DYM: variants seen among roughly 807,000 people sequenced by gnomAD.
DYM encodes the protein dyggve-Melchior-Clausen syndrome protein.
Under a neutral mutation model 93.1 loss-of-function variants are expected in DYM, and 78 were observed. The observed-to-expected ratio is 0.84, with a 90% CI of 0.70 to 1.01. The LOEUF is 1.01. Ranked by LOEUF, DYM falls within the 50% of genes least tolerant of loss-of-function variation. The pLI, the probability that DYM is intolerant of heterozygous loss-of-function variation, is 0.00. For missense variants in DYM, 789 were observed against 845.0 expected (o/e 0.93, Z 0.82); for synonymous variants, 321 against 319.7 (o/e 1.00, Z -0.04).
At chr18:49,411,742 AT>A (rs1390603259) in intron 2 of DYM, among the ~76,000 whole-genome samples, 2 of 152,212 alleles carry the variant, frequency 1.3e-5, no homozygotes, top group Admixed American at 1.3e-4. Flanking sequence ...CCGCCATAAA[AT>A]TCTTTCAAAA....
At chr18:49,108,117 C>A (rs541696425) in intron 16 of DYM, among the ~76,000 whole-genome samples, 1 of 152,342 alleles carries the variant, frequency 6.6e-6, no homozygotes, top group South Asian at 2.1e-4. Flanking sequence ...GGATGCCCCT[C>A]CCCCAGCCTC....
At chr18:49,285,492 G>A (rs577798535) in intron 9 of DYM, among the ~76,000 whole-genome samples, 23 of 152,258 alleles carry the variant, frequency 1.5e-4, no homozygotes, top group Admixed American at 6.5e-4. Flanking sequence ...ATAATACCAC[G>A]TTTTTATTGT....
intron 6 of DYM, among the ~76,000 whole-genome samples, chr18:49,346,337 C>T (rs2064594530): frequency 6.6e-6 from 1 of 152,156 alleles, no homozygotes; most frequent in Non-Finnish European, 1.5e-5. Flanking sequence ...CATGAATGAA[C>T]TCTGAACACA....
chr18:49,439,879 C>T lies in DYM; in HGVS notation c.-53-9432G>A, dbSNP rs1204323034. ...TAGCCAGGCAACACAGCTAATAAGC[C>T]TGTAGTCCCAGCTACTCAGAAGGCT... On this transcript the variant is annotated intron_variant, in intron 1 of 17. Transcript: ENST00000675505. 4.0e-5 allele frequency among the ~76,000 whole-genome samples: 6 copies of T among 151,880 alleles called. No homozygotes were observed. The East Asian group carries it at 9.7e-4, about 25-fold the overall frequency.
At chr18:49,102,946 G>A (rs1599760303) in intron 16 of DYM, among the ~76,000 whole-genome samples, 1 of 152,130 alleles carries the variant, frequency 6.6e-6, no homozygotes, top group Non-Finnish European at 1.5e-5. Context: ...TGGGATTGCT[G>A]GGTCAAATGG....
At chr18:49,102,623 G>A (rs928232528) in intron 16 of DYM, among the ~76,000 whole-genome samples, 14 of 152,014 alleles carry the variant, frequency 9.2e-5, no homozygotes, top group Non-Finnish European at 1.6e-4. Context: ...GTGTCCATGT[G>A]TTCTCATTGT....
intron 13 of DYM, among the ~76,000 whole-genome samples, chr18:49,254,281 CATATATATATATATATATATATAT>C (rs3084549): frequency 1.6e-3 from 219 of 136,310 alleles, no homozygotes; most frequent in Non-Finnish European, 1.9e-3. Context: ...ATCCTTGTAT[CATATATATATATATATATATATAT>C]ATATATATAT....
At chr18:49,253,462 T>C (rs965984357) in intron 13 of DYM, among the ~76,000 whole-genome samples, 1 of 152,216 alleles carries the variant, frequency 6.6e-6, no homozygotes, top group Non-Finnish European at 1.5e-5. Flanking sequence ...AAATATTTTC[T>C]CAGGAAATAC....
chr18:49,454,834 G>A (rs1314860175), intron 1 of DYM, among the ~76,000 whole-genome samples: 1 of 149,918 alleles, frequency 6.7e-6, no homozygotes, highest in African/African-American at 2.5e-5. Context: ...CGTAGACCCA[G>A]GAGGCAGAGT....
intron 8 of DYM, among the ~76,000 whole-genome samples, chr18:49,317,646 C>CTCCTCTCCTCTCCTCTCCTCTCCTTCCT (rs750848541): frequency 1.9e-4 from 7 of 36,556 alleles, no homozygotes; most frequent in Non-Finnish European, 3.1e-4. Flanking sequence ...ATCCTCTCCT[C>CTCCTCTCCTCTCCTCTCCTCTCCTTCCT]TCCTTCCTTC....
At chr18:49,458,670 T>C (rs1334790522) in intron 1 of DYM, among the ~76,000 whole-genome samples, 2 of 152,000 alleles carry the variant, frequency 1.3e-5, no homozygotes, top group East Asian at 3.8e-4. Context: ...GACCCCCGTC[T>C]CTACTAAAAA....
intron 14 of DYM, among the ~76,000 whole-genome samples, chr18:49,193,682 T>G: frequency 6.6e-6 from 1 of 152,368 alleles, no homozygotes; most frequent in African/African-American, 2.4e-5. Flanking sequence ...TCTCACTTTA[T>G]AATGCTGTGA....
intron 8 of DYM, among the ~76,000 whole-genome samples, chr18:49,317,981 T>G (rs1248214892): frequency 1.3e-5 from 2 of 152,068 alleles, no homozygotes; most frequent in Non-Finnish European, 2.9e-5. Context: ...TAGGGCAGTT[T>G]AAGAACCAAT....
At chr18:49,298,729 T>C (rs535503587) in intron 8 of DYM, among the ~76,000 whole-genome samples, 101 of 152,280 alleles carry the variant, frequency 6.6e-4, no homozygotes, top group African/African-American at 2.0e-3. Context: ...ACTGAAATAT[T>C]TCAGTAATTA....
At chr18:49,409,588 C>T (rs2148171630) in intron 2 of DYM, among the ~76,000 whole-genome samples, 1 of 152,264 alleles carries the variant, frequency 6.6e-6, no homozygotes, top group African/African-American at 2.4e-5. Flanking sequence ...CAGAGTACCA[C>T]TGTTGGATGT....
intron 15 of DYM, among the ~76,000 whole-genome samples, chr18:49,144,345 GT>G (rs2084852383): frequency 6.6e-6 from 1 of 151,902 alleles, no homozygotes; most frequent in Admixed American, 6.5e-5. Flanking sequence ...AGATGGTGGT[GT>G]GTTCTACATC....
At chr18:49,174,170 A>G (rs1600344535) in intron 14 of DYM, among the ~76,000 whole-genome samples, 1 of 152,204 alleles carries the variant, frequency 6.6e-6, no homozygotes, top group East Asian at 1.9e-4. Flanking sequence ...TGATTATGGC[A>G]TGTTAAACCA....
intron 2 of DYM, among the ~76,000 whole-genome samples, chr18:49,421,444 T>G (rs958759833): frequency 7.2e-5 from 11 of 151,974 alleles, no homozygotes; most frequent in African/African-American, 2.7e-4. Context: ...GTCCTGACTG[T>G]TAGAAGGAAA....
At chr18:49,386,933 C>T (rs1397327028) in intron 3 of DYM, among the ~76,000 whole-genome samples, 1 of 150,624 alleles carries the variant, frequency 6.6e-6, no homozygotes, top group Non-Finnish European at 1.5e-5. Context: ...AAAATTTCTT[C>T]GTATTTATTT....
Sources: allele counts gnomAD v4.1 joint callset (sites outside exome capture counted in the v4.1 genomes callset), GRCh38; gene constraint gnomAD v4.1.1; transcripts MANE v1.5; gene names NCBI Gene and HGNC (gene_info 2026-07-23, HGNC 2026-07-21).